Variants in LRP1B observed in about 807,000 individuals in gnomAD.
LRP1B encodes low-density lipoprotein receptor-related protein 1B.
In LRP1B, 217 loss-of-function variants were observed where a neutral mutation model predicts 556.6. That is an observed-to-expected ratio of 0.39 (90% confidence interval 0.35 to 0.44). LRP1B has a LOEUF of 0.44. Ranked by LOEUF, LRP1B falls within the 20% of genes least tolerant of loss-of-function variation. The pLI is 1.00. For synonymous variants in LRP1B, 2,047 were observed against 1,865.8 expected (o/e 1.10, Z -2.50); for missense variants, 5,053 against 5,620.8 (o/e 0.90, Z 3.23).
At chr2:142,049,729 G>A (rs1291556005) in intron 1 of LRP1B, among the ~76,000 whole-genome samples, 2 of 152,078 alleles carry the variant, frequency 1.3e-5, no homozygotes, top group Non-Finnish European at 2.9e-5. Flanking sequence ...TTGAAAGAGT[G>A]GCAGATGCAC....
At chr2:140,364,276 A>G (rs930464221) in intron 72 of LRP1B, among the ~76,000 whole-genome samples, 3 of 151,526 alleles carry the variant, frequency 2.0e-5, no homozygotes, top group African/African-American at 4.8e-5. Flanking sequence ...ATGAGATTTT[A>G]TTATTTATAT....
At chr2:140,957,882 A>G (rs1355310706) in intron 18 of LRP1B, among the ~76,000 whole-genome samples, 1 of 151,520 alleles carries the variant, frequency 6.6e-6, no homozygotes, top group East Asian at 1.9e-4. Flanking sequence ...ATCTCCTCCT[A>G]GTAGAAAGAG....
intron 1 of LRP1B, among the ~76,000 whole-genome samples, chr2:141,915,084 G>A (rs886938905): frequency 2.0e-5 from 3 of 152,030 alleles, no homozygotes; most frequent in Non-Finnish European, 2.9e-5. Flanking sequence ...GCATCACATT[G>A]CCTGACTTCA....
rs72986175 is a variant in LRP1B at position 140,817,045 on chromosome 2, T to G, written c.5210-3239A>C. Among the ~76,000 whole-genome samples, 252 of 152,244 alleles carry G rather than the reference T, an allele frequency of 1.7e-3. 1 individual carries two copies. The highest frequency in any genetic ancestry group is 5.8e-3 in the African/African-American group (243 of 41,570). On this transcript the variant is annotated intron_variant, in intron 31 of 90. Transcript: ENST00000389484. ...TTAAAACTACTCAGTGATGTCAGAA[T>G]GCTAAATCAATACCCATGAGAAAAC...
chr2:141,573,514 CT>C (rs888141130), intron 2 of LRP1B, among the ~76,000 whole-genome samples: 1 of 151,478 alleles, frequency 6.6e-6, no homozygotes, highest in Admixed American at 6.6e-5. Flanking sequence ...AATTGACACC[CT>C]AACATCACAA....
At chr2:141,809,730 G>A (rs1002457486) in intron 2 of LRP1B, among the ~76,000 whole-genome samples, 2 of 122,786 alleles carry the variant, frequency 1.6e-5, no homozygotes, top group Non-Finnish European at 3.3e-5. Context: ...TCTATGAATG[G>A]ATAAAGTTTC....
chr2:141,026,885 C>T (rs1165162347), intron 11 of LRP1B, among the ~76,000 whole-genome samples: 1 of 152,026 alleles, frequency 6.6e-6, no homozygotes, highest in African/African-American at 2.4e-5. Context: ...ACTTGTACAT[C>T]TACAAATAAT....
chr2:140,435,356 G>A (rs1016664638), intron 66 of LRP1B, among the ~76,000 whole-genome samples: 3 of 151,990 alleles, frequency 2.0e-5, no homozygotes, highest in Non-Finnish European at 4.4e-5. Context: ...GGCAAAGGAC[G>A]AGAAAAGCAG....
intron 43 of LRP1B, among the ~76,000 whole-genome samples, chr2:140,593,805 TA>T (rs1036156816): frequency 1.3e-5 from 2 of 152,176 alleles, no homozygotes; most frequent in African/African-American, 4.8e-5. Context: ...AAAATGTATT[TA>T]AAAAACCCTT....
At chr2:140,580,345 C>T (rs1376657981) in intron 43 of LRP1B, among the ~76,000 whole-genome samples, 2 of 152,112 alleles carry the variant, frequency 1.3e-5, no homozygotes, top group Admixed American at 6.6e-5. Flanking sequence ...CAGGTAGATA[C>T]AAAGAACTAG....
At chr2:141,018,444 G>A (rs1163856744) in intron 12 of LRP1B, among the ~76,000 whole-genome samples, 2 of 152,078 alleles carry the variant, frequency 1.3e-5, no homozygotes, top group Non-Finnish European at 2.9e-5. Flanking sequence ...CAAAGAGCTT[G>A]AACTATGTAG....
Position 140,541,003 on chromosome 2 carries a change from G to T in LRP1B, c.7483C>A (p.Arg2495=), listed in dbSNP as rs2105016679. The change falls in exon 45 of 91, where the codon CGA becomes AGA. Residue 2495 remains arginine, a synonymous_variant. Coordinates refer to ENST00000389484, the MANE Select transcript of LRP1B (RefSeq NM_018557.3). ...GRVNCSCRGD[R]ILLEDNRCVT... The stretch of plus-strand genomic sequence containing the variant: ...CATCTGTTGTCCTCTAGCAATATTC[G>T]GTCCCCTCTGCAGGAACAATTCACT... The T allele has an allele frequency of 6.2e-7, 1 of 1,610,564 alleles. No homozygotes were observed.
intron 25 of LRP1B, 117 bp downstream of exon 25, chr2:140,883,699 AT>A: frequency 2.0e-6 from 1 of 509,950 alleles, no homozygotes; most frequent in South Asian, 2.0e-5. Context: ...ACACACACAC[AT>A]ACATGGGCAC....
Position 140,893,513 on chromosome 2 carries a change from C to T in LRP1B, c.3767-7178G>A, listed in dbSNP as rs533395440. Among the ~76,000 whole-genome samples the T allele has an allele frequency of 1.4e-4, 22 of 152,272 alleles. 1 individual carries two copies. Among genetic ancestry groups the T allele is most frequent in the Admixed American group, 8.5e-4 (13 of 15,288 alleles). On this transcript the variant is annotated intron_variant, in intron 23 of 90. Transcript: ENST00000389484. ...AACCTTTGCCCTAACATCTCTTAGC[C>T]ACAACCTCTCACCCTGAGCAAATCA...
At chr2:140,344,025 T>C (rs1161527220) in intron 77 of LRP1B, among the ~76,000 whole-genome samples, 1 of 151,680 alleles carries the variant, frequency 6.6e-6, no homozygotes, top group Non-Finnish European at 1.5e-5. Flanking sequence ...GCGATGATGG[T>C]CAGAACTTGT....
At chr2:140,627,210 G>A (rs935739916) in intron 41 of LRP1B, among the ~76,000 whole-genome samples, 1 of 152,066 alleles carries the variant, frequency 6.6e-6, no homozygotes, top group African/African-American at 2.4e-5. Flanking sequence ...AATGAGTGTC[G>A]ACTTGATTGG....
chr2:141,724,221 C>A (rs902541200), intron 2 of LRP1B, among the ~76,000 whole-genome samples: 56 of 151,732 alleles, frequency 3.7e-4, no homozygotes, highest in Non-Finnish European at 2.9e-4. Flanking sequence ...TATATACAAG[C>A]AGAAAACAAA....
chr2:141,551,585 G>A (rs1476406585), intron 2 of LRP1B, among the ~76,000 whole-genome samples: 3 of 152,028 alleles, frequency 2.0e-5, no homozygotes, highest in South Asian at 4.1e-4. Context: ...AAAGCAAAGA[G>A]TCTGTATTAC....
intron 1 of LRP1B, among the ~76,000 whole-genome samples, chr2:141,875,921 A>C (rs1698743836): frequency 6.6e-6 from 1 of 152,036 alleles, no homozygotes; most frequent in South Asian, 2.1e-4. Flanking sequence ...AGAATTCATG[A>C]AATTAATTCT....
Sources: allele counts gnomAD v4.1 joint callset (sites outside exome capture counted in the v4.1 genomes callset), GRCh38; gene constraint gnomAD v4.1.1; transcripts MANE v1.5; gene names NCBI Gene and HGNC (gene_info 2026-07-23, HGNC 2026-07-21).